Variants in NFIA observed in about 807,000 individuals in gnomAD.
The protein encoded by NFIA is nuclear factor 1 A-type.
NFIA carries 8 observed loss-of-function variants against 62.8 expected under a neutral mutation model. That is an observed-to-expected ratio of 0.13 (90% CI 0.07 to 0.23). The LOEUF (loss-of-function observed/expected upper bound fraction) is 0.23, where lower values mean the gene tolerates loss of function less well. NFIA is among the 10% of genes least tolerant of loss of function. The pLI is 1.00. For synonymous variants in NFIA, 235 were observed against 238.1 expected (o/e 0.99, Z 0.12); for missense variants, 410 against 642.1 (o/e 0.64, Z 3.91).
intron 4 of NFIA, among the ~76,000 whole-genome samples, chr1:61,335,222 G>C (rs563997368): frequency 2.7e-4 from 41 of 152,270 alleles, no homozygotes; most frequent in Non-Finnish European, 5.1e-4. Flanking sequence ...GTGTCAGCTC[G>C]ATCATGGCTT....
chr1:61,390,821 C>T (rs958488452), intron 7 of NFIA, among the ~76,000 whole-genome samples: 63 of 152,076 alleles, frequency 4.1e-4, no homozygotes, highest in Admixed American at 3.2e-3. Context: ...TGAATCCCTC[C>T]GCCTTGTGCC....
rs1465988146 is a variant in NFIA, at chr1:61,456,597, C to T, written c.*1277C>T. 1.3e-5 allele frequency: 2 copies of T among 151,182 alleles called. No homozygotes were observed. The highest frequency in any genetic ancestry group is 2.9e-5 in the Non-Finnish European group (2 of 67,828). 9.4% of individuals were successfully genotyped at this position (151,182 alleles called of 1,614,324 possible). On this transcript the variant is annotated 3_prime_UTR_variant, in exon 11 of 11. Transcript: ENST00000403491. ...AGGATTTATCAGTTATCAGACACCT[C>T]ATTGTACCAGAGATTGTCCAGAAGT...
intron 3 of NFIA, among the ~76,000 whole-genome samples, chr1:61,317,815 C>G (rs1481536642): frequency 6.6e-6 from 1 of 151,986 alleles, no homozygotes; most frequent in Non-Finnish European, 1.5e-5. Flanking sequence ...TTATTTATAA[C>G]AGTTATCATT....
chr1:61,153,258 T>A (rs1238854473), intron 2 of NFIA, among the ~76,000 whole-genome samples: 1 of 152,244 alleles, frequency 6.6e-6, no homozygotes, highest in African/African-American at 2.4e-5. Flanking sequence ...TATTATATTA[T>A]GTTGTATCAG....
intron 2 of NFIA, among the ~76,000 whole-genome samples, chr1:61,116,624 T>C (rs1023708711): frequency 6.6e-6 from 1 of 152,218 alleles, no homozygotes; most frequent in African/African-American, 2.4e-5. Flanking sequence ...ATCAGCAAAG[T>C]GAATTGCCGT....
At position 61,103,783 on chromosome 1, in the gene NFIA, C is replaced by T. The variant is rs1646551277; in HGVS notation, c.559+15103C>T. ...GTTTTTTACAGAATGATTTTCCTTT[C>T]TCACCCTACCATGTCAATGGATTTC... On this transcript the variant is annotated intron_variant, in intron 2 of 10. Coordinates refer to ENST00000403491, the MANE Select transcript of NFIA (RefSeq NM_001134673.4). 2.6e-5 allele frequency among the ~76,000 whole-genome samples: 4 copies of T among 152,148 alleles called. No homozygotes were observed. The South Asian group carries it at 8.3e-4, about 32-fold the overall frequency.
At chr1:61,253,333 C>T (rs550358390) in intron 2 of NFIA, 2 of 152,490 alleles carry the variant, frequency 1.3e-5, no homozygotes, top group Non-Finnish European at 1.5e-5. Flanking sequence ...AAAAGCAAGT[C>T]AACATCTCCA....
At chr1:61,139,878 CAAAAAAAAAAAA>C (rs35520094) in intron 2 of NFIA, among the ~76,000 whole-genome samples, 1 of 74,150 alleles carries the variant, frequency 1.3e-5, no homozygotes, top group South Asian at 5.2e-4. Flanking sequence ...GGGAATTTAC[CAAAAAAAAAAAA>C]AAAAAAAAAA....
Position 61,358,379 on chromosome 1 carries a change from C to CTTTCTTTTTTTTTTTTTT in NFIA, c.819-765_819-764insCTTTTTTTTTTTTTTTTT, listed in dbSNP as rs71582639. On this transcript the variant is annotated intron_variant, in intron 5 of 10. Coordinates refer to ENST00000403491, the MANE Select transcript of NFIA (RefSeq NM_001134673.4). ...TCATTTTCTTTTCTTTTCTTTCTTT[C>CTTTCTTTTTTTTTTTTTT]TTTTTTTTTTTTTTTTTTTTTTTTT... Among the ~76,000 whole-genome samples, 30 of 52,624 alleles carry CTTTCTTTTTTTTTTTTTT rather than the reference C, an allele frequency of 5.7e-4. 2 individuals carry two copies. The highest frequency in any genetic ancestry group is 1.6e-3 in the African/African-American group (19 of 11,836). 34.5% of individuals were successfully genotyped at this position (52,624 alleles called of 152,430 possible).
At position 61,104,489 on chromosome 1, in the gene NFIA, A is replaced by G. The variant is rs188203816; in HGVS notation, c.559+15809A>G. Among the ~76,000 whole-genome samples, 323 of 152,222 alleles carry G rather than the reference A, an allele frequency of 2.1e-3. 2 individuals carry two copies. Among genetic ancestry groups the G allele is most frequent in the African/African-American group, 7.4e-3 (306 of 41,564 alleles). ...TTTCATTAGACGGAAATGCACCCAC[A>G]TATGTAAATCTTCTTTGTTTAATTG... On this transcript the variant is annotated intron_variant, in intron 2 of 10. Coordinates refer to ENST00000403491, the MANE Select transcript of NFIA (RefSeq NM_001134673.4).
At chr1:61,403,104 A>T (rs931625566) in intron 7 of NFIA, among the ~76,000 whole-genome samples, 9 of 152,208 alleles carry the variant, frequency 5.9e-5, no homozygotes, top group African/African-American at 2.2e-4. Flanking sequence ...CAGTTTAAAG[A>T]TTTAAACCGA....
rs72911947 is a variant in NFIA, at chr1:61,303,905, C to G, written c.625+26320C>G. Among the ~76,000 whole-genome samples the G allele has an allele frequency of 3.4e-3, 510 of 152,176 alleles. 2 individuals carry two copies. Among genetic ancestry groups the G allele is most frequent in the African/African-American group, 0.012 (497 of 41,494 alleles). ...GAAACAAAATCTCTTTATGCTGTTC[C>G]GAGTACACTGTAGGAGACAAGGGCA... On this transcript the variant is annotated intron_variant, in intron 3 of 10. Transcript: ENST00000403491.
chr1:61,428,017 A>G (rs116112931), intron 10 of NFIA, among the ~76,000 whole-genome samples: 2 of 152,156 alleles, frequency 1.3e-5, no homozygotes, highest in South Asian at 4.1e-4. Context: ...TGAGAGGGGG[A>G]AAACTGGAGA....
chr1:61,335,180 C>T lies in NFIA; in HGVS notation c.700+2594C>T, dbSNP rs146553235. 2.8e-3 allele frequency among the ~76,000 whole-genome samples: 424 copies of T among 152,308 alleles called. 1 individual carries two copies. The highest frequency in any genetic ancestry group is 9.5e-3 in the African/African-American group (397 of 41,576). ...TCACTCACACATGGCCTCGTGCTGACGGAAACTGTTTGGCAAGAGTGGGTC... is the reference window on the plus strand; with the variant it reads ...TCACTCACACATGGCCTCGTGCTGATGGAAACTGTTTGGCAAGAGTGGGTC... On this transcript the variant is annotated intron_variant, in intron 4 of 10. Transcript: ENST00000403491.
At chr1:61,258,937 T>G (rs1656590647) in intron 2 of NFIA, among the ~76,000 whole-genome samples, 1 of 151,970 alleles carries the variant, frequency 6.6e-6, no homozygotes, top group Admixed American at 6.6e-5. Flanking sequence ...CCCAGGCTGG[T>G]CTCGAACTCC....
chr1:61,369,990 A>G (rs1237253533), intron 6 of NFIA, among the ~76,000 whole-genome samples: 1 of 152,190 alleles, frequency 6.6e-6, no homozygotes, highest in Admixed American at 6.5e-5. Context: ...TTTGGCCATC[A>G]ATGTTTTTAA....
chr1:61,100,820 TC>T (rs1284077415), intron 2 of NFIA, among the ~76,000 whole-genome samples: 2 of 152,082 alleles, frequency 1.3e-5, no homozygotes, highest in Middle Eastern at 3.2e-3. Flanking sequence ...GTCACTGAAC[TC>T]CCAGCTTCCA....
chr1:61,081,194 A>G (rs1156657278), upstream of NFIA, among the ~76,000 whole-genome samples: 1 of 152,120 alleles, frequency 6.6e-6, no homozygotes, highest in Non-Finnish European at 1.5e-5. Flanking sequence ...ATGGGGGCTT[A>G]GAAGAGGCAG....
At chr1:61,303,276 G>C (rs1165864782) in intron 3 of NFIA, among the ~76,000 whole-genome samples, 23 of 152,150 alleles carry the variant, frequency 1.5e-4, no homozygotes. Flanking sequence ...CAGATACCTT[G>C]GTAGTTGCAC....
Sources: gnomAD v4.1 joint callset for allele counts (sites outside exome capture counted in the v4.1 genomes callset) on GRCh38, gnomAD v4.1.1 for gene constraint, MANE v1.5 for transcripts, NCBI Gene and HGNC (gene_info 2026-07-23, HGNC 2026-07-21) for gene names.